The following TCF12 variants were observed in gnomAD, a reference collection of about 807,000 sequenced individuals.
TCF12 encodes the protein transcription factor 12.
Under a neutral mutation model 86.0 loss-of-function variants are expected in TCF12, and 45 were observed. The ratio of observed to expected loss-of-function variants is 0.52; its 90% confidence interval spans 0.41 to 0.67. TCF12 has a LOEUF of 0.67. Among genes scored for constraint, TCF12 ranks in the 30% least tolerant of loss-of-function variants. The pLI is 0.00. For synonymous variants in TCF12, 330 were observed against 299.6 expected, an observed-to-expected ratio of 1.10 and a Z score of -1.05; for missense variants, 881 against 859.9, an observed-to-expected ratio of 1.02 and a Z score of -0.31.
At chr15:57,268,036 G>A (rs1186804832) in intron 18 of TCF12, among the ~76,000 whole-genome samples, 2 of 152,170 alleles carry the variant, frequency 1.3e-5, no homozygotes, top group Admixed American at 1.3e-4. Flanking sequence ...TTAAGTGTAT[G>A]GTGTAGGCTT....
At chr15:57,278,680 T>G (rs1475729117) in intron 19 of TCF12, 2 of 172,630 alleles carry the variant, frequency 1.2e-5, no homozygotes, top group Non-Finnish European at 2.2e-5. Flanking sequence ...GGATCAAACC[T>G]TTCCTCCCTC....
intron 3 of TCF12, among the ~76,000 whole-genome samples, chr15:56,993,376 A>G (rs1254133189): frequency 8.5e-5 from 13 of 152,060 alleles, no homozygotes; most frequent in Non-Finnish European, 1.9e-4. Flanking sequence ...GACAAATCCC[A>G]TTGCTTTTTC....
At chr15:57,185,481 G>A (rs1344798186) in intron 6 of TCF12, among the ~76,000 whole-genome samples, 1 of 151,864 alleles carries the variant, frequency 6.6e-6, no homozygotes. Flanking sequence ...AGTAAAAGAA[G>A]AACAAACTAA....
chr15:57,220,881 A>G (rs1329499283), intron 8 of TCF12, among the ~76,000 whole-genome samples: 5 of 152,102 alleles, frequency 3.3e-5, no homozygotes, highest in Non-Finnish European at 5.9e-5. Context: ...AAATGCATAT[A>G]TGGGCTTAGT....
chr15:56,983,504 T>C (rs1453317879), intron 3 of TCF12, among the ~76,000 whole-genome samples: 1 of 152,192 alleles, frequency 6.6e-6, no homozygotes, highest in African/African-American at 2.4e-5. Context: ...ATCCAAAATA[T>C]TCTGAATTTT....
intron 5 of TCF12, among the ~76,000 whole-genome samples, chr15:57,126,250 A>G (rs992478855): frequency 6.6e-6 from 1 of 152,180 alleles, no homozygotes; most frequent in Non-Finnish European, 1.5e-5. Context: ...CAAAAAAAAC[A>G]AAGCATCTGA....
At chr15:57,155,395 C>T (rs1434803262) in intron 5 of TCF12, among the ~76,000 whole-genome samples, 1 of 152,252 alleles carries the variant, frequency 6.6e-6, no homozygotes, top group African/African-American at 2.4e-5. Context: ...TGGCCTTTAC[C>T]TATTTTCAAA....
chr15:57,052,171 A>T (rs2067677149), intron 3 of TCF12, among the ~76,000 whole-genome samples: 1 of 152,160 alleles, frequency 6.6e-6, no homozygotes, highest in African/African-American at 2.4e-5. Flanking sequence ...ATTTGTATGA[A>T]TTTTTTAGTC....
intron 3 of TCF12, among the ~76,000 whole-genome samples, chr15:56,928,064 CAATAT>C (rs1390182072): frequency 4.9e-4 from 75 of 152,100 alleles, no homozygotes; most frequent in South Asian, 1.2e-3. Flanking sequence ...GTGAGAGAGA[CAATAT>C]AGTGTATTGG....
chr15:57,159,221 T>G (rs546091326), intron 5 of TCF12, among the ~76,000 whole-genome samples: 2 of 152,334 alleles, frequency 1.3e-5, no homozygotes, highest in South Asian at 4.1e-4. Context: ...CATGTTACTT[T>G]CCTAGTTGAC....
At chr15:57,029,710 C>A (rs763928031) in intron 3 of TCF12, among the ~76,000 whole-genome samples, 3 of 152,160 alleles carry the variant, frequency 2.0e-5, no homozygotes, top group Non-Finnish European at 4.4e-5. Flanking sequence ...CCCTATAAAC[C>A]ATGTTCAAGC....
chr15:57,130,352 T>G (rs780092848), intron 5 of TCF12, among the ~76,000 whole-genome samples: 2 of 152,240 alleles, frequency 1.3e-5, no homozygotes, highest in South Asian at 2.1e-4. Flanking sequence ...TTGATTTTTT[T>G]TTTGTGGATT....
intron 8 of TCF12, among the ~76,000 whole-genome samples, chr15:57,226,835 T>C (rs142996114): frequency 6.6e-6 from 1 of 152,252 alleles, no homozygotes; most frequent in East Asian, 1.9e-4. Flanking sequence ...AAGCAGTATT[T>C]AAATAAAATA....
intron 16 of TCF12, among the ~76,000 whole-genome samples, chr15:57,257,345 G>GT (rs1189146555): frequency 1.3e-5 from 2 of 152,296 alleles, no homozygotes; most frequent in East Asian, 3.9e-4. Flanking sequence ...TAGTGGAAGA[G>GT]TAAGAGTTGA....
chr15:57,075,804 T>TC (rs1567370603), intron 4 of TCF12, among the ~76,000 whole-genome samples: 24 of 28,602 alleles, frequency 8.4e-4, no homozygotes, highest in Middle Eastern at 0.017. Flanking sequence ...CTTTCTTTCT[T>TC]TCTCTCTCTC....
intron 3 of TCF12, among the ~76,000 whole-genome samples, chr15:56,947,109 T>G (rs1274569043): frequency 6.6e-6 from 1 of 152,120 alleles, no homozygotes; most frequent in African/African-American, 2.4e-5. Context: ...TAGAGAAACT[T>G]TTTTGCTAAG....
intron 1 of TCF12, 87 bp downstream of exon 1, chr15:56,918,993 C>A (rs1365576748): frequency 6.6e-6 from 1 of 151,814 alleles, no homozygotes; most frequent in East Asian, 2.0e-4. Context: ...GGAGTGGGGG[C>A]GCCCCCGTCC....
At chr15:57,113,691 G>A (rs1293094988) in intron 5 of TCF12, among the ~76,000 whole-genome samples, 1 of 150,270 alleles carries the variant, frequency 6.7e-6, no homozygotes, top group Non-Finnish European at 1.5e-5. Flanking sequence ...TGTAATTCCA[G>A]CACTTTGGGA....
intron 5 of TCF12, among the ~76,000 whole-genome samples, chr15:57,136,974 T>TG (rs2052584307): frequency 1.5e-5 from 1 of 64,592 alleles, no homozygotes; most frequent in African/African-American, 5.0e-5. Context: ...TTTTTTGTTT[T>TG]TTTTTTTTTT....
Sources: gnomAD v4.1 joint callset for allele counts (sites outside exome capture counted in the v4.1 genomes callset) on GRCh38, gnomAD v4.1.1 for gene constraint, MANE v1.5 for transcripts, NCBI Gene and HGNC (gene_info 2026-07-23, HGNC 2026-07-21) for gene names.